Variants in ATRNL1 observed in about 807,000 individuals in gnomAD.
The protein encoded by ATRNL1 is attractin-like protein 1.
A neutral mutation model predicts 182.7 loss-of-function variants in ATRNL1; 95 were observed. That is an observed-to-expected ratio of 0.52 (90% CI 0.44 to 0.62). ATRNL1 has a LOEUF of 0.62. Ranked by LOEUF, ATRNL1 falls within the 20% of genes least tolerant of loss-of-function variation. The pLI is 0.00. For missense variants in ATRNL1, 1,471 were observed against 1,679.5 expected, an observed-to-expected ratio of 0.88 and a Z score of 2.17; for synonymous variants, 576 against 568.3, an observed-to-expected ratio of 1.01 and a Z score of -0.19.
chr10:115,478,650 C>A (rs1848633323), intron 24 of ATRNL1, among the ~76,000 whole-genome samples: 1 of 151,532 alleles, frequency 6.6e-6, no homozygotes, highest in Admixed American at 6.6e-5. Flanking sequence ...CCATTGTATT[C>A]ACAGATTCCA....
At chr10:115,493,223 A>T (rs1554977175) in intron 24 of ATRNL1, among the ~76,000 whole-genome samples, 1 of 152,048 alleles carries the variant, frequency 6.6e-6, no homozygotes, top group Non-Finnish European at 1.5e-5. Flanking sequence ...CCAGGTAATG[A>T]GCATAGTACA....
At chr10:115,858,953 C>T (rs1030883312) in intron 28 of ATRNL1, among the ~76,000 whole-genome samples, 9 of 151,856 alleles carry the variant, frequency 5.9e-5, no homozygotes, top group Non-Finnish European at 1.3e-4. Flanking sequence ...GTTCTGGAGG[C>T]TGGGAAGTCC....
At chr10:115,581,737 G>A (rs1376004269) in intron 26 of ATRNL1, among the ~76,000 whole-genome samples, 2 of 126,290 alleles carry the variant, frequency 1.6e-5, no homozygotes, top group South Asian at 3.3e-4. Context: ...AGAAACCATC[G>A]ACACTAAACT....
chr10:115,575,573 A>G (rs1298018846), intron 26 of ATRNL1, among the ~76,000 whole-genome samples: 1 of 151,762 alleles, frequency 6.6e-6, no homozygotes, highest in African/African-American at 2.4e-5. Context: ...AGTGTTAGAA[A>G]CCTTTTTCTT....
chr10:115,944,177 A>C (rs1206883345), intron 28 of ATRNL1, among the ~76,000 whole-genome samples: 2 of 151,280 alleles, frequency 1.3e-5, no homozygotes, highest in African/African-American at 4.9e-5. Context: ...CCTAATGTAA[A>C]TTATGGACTT....
chr10:115,177,248 T>A (rs1195079406), intron 8 of ATRNL1, among the ~76,000 whole-genome samples: 2 of 152,142 alleles, frequency 1.3e-5, no homozygotes, highest in African/African-American at 4.8e-5. Context: ...AGGAACAGTT[T>A]CTGTGTAGTG....
rs544635641 is a variant in ATRNL1, at chr10:115,302,110, G to A, written c.2818+67G>A. ...TAAATTTACTTTTCTGTGATGTAAA[G>A]AAGAATTAAATATTTGAAGAAGTTT... is the stretch of plus-strand genomic sequence containing the variant. On this transcript the variant is annotated intron_variant, in intron 17 of 28. Coordinates refer to ENST00000355044, the MANE Select transcript of ATRNL1 (RefSeq NM_207303.4). 1.4e-4 allele frequency: 187 copies of A among 1,346,002 alleles called. 1 individual carries two copies. The South Asian group carries it at 2.7e-3, about 19-fold the overall frequency. 83.4% of individuals were successfully genotyped at this position (1,346,002 alleles called of 1,614,324 possible). A position where few individuals can be genotyped will look rare whatever the true frequency, so the allele number is the denominator to read the frequency against.
chr10:115,235,018 C>G (rs1481015484), intron 9 of ATRNL1, among the ~76,000 whole-genome samples: 1 of 152,116 alleles, frequency 6.6e-6, no homozygotes, highest in Non-Finnish European at 1.5e-5. Context: ...AGGATTACAT[C>G]CAGGAGCATG....
intron 19 of ATRNL1, among the ~76,000 whole-genome samples, chr10:115,335,422 C>T (rs1392594526): frequency 6.6e-6 from 1 of 152,050 alleles, no homozygotes. Flanking sequence ...GCTGTCTGGG[C>T]CACTTTCTAA....
At chr10:115,462,785 T>C (rs1313452599) in intron 22 of ATRNL1, among the ~76,000 whole-genome samples, 5 of 152,108 alleles carry the variant, frequency 3.3e-5, no homozygotes, top group Non-Finnish European at 7.4e-5. Context: ...CACTGATATA[T>C]TGTATAAGCT....
intron 15 of ATRNL1, among the ~76,000 whole-genome samples, chr10:115,299,643 T>A (rs1220659594): frequency 6.6e-6 from 1 of 152,160 alleles, no homozygotes; most frequent in Admixed American, 6.5e-5. Flanking sequence ...AGAGTCTTAA[T>A]CCTATAACTG....
intron 21 of ATRNL1, among the ~76,000 whole-genome samples, chr10:115,450,850 G>A (rs1047387922): frequency 6.6e-6 from 1 of 152,128 alleles, no homozygotes; most frequent in African/African-American, 2.4e-5. Context: ...AAAGCTGGAG[G>A]CTTCACGTTA....
chr10:115,671,742 G>A (rs1945703244), intron 26 of ATRNL1, among the ~76,000 whole-genome samples: 1 of 152,128 alleles, frequency 6.6e-6, no homozygotes, highest in Non-Finnish European at 1.5e-5. Flanking sequence ...TGAGGCAAGA[G>A]ATTTAAAGAA....
intron 2 of ATRNL1, among the ~76,000 whole-genome samples, chr10:115,120,554 G>A (rs756266335): frequency 7.2e-5 from 11 of 152,008 alleles, no homozygotes; most frequent in Non-Finnish European, 1.3e-4. Context: ...TATGAAATTT[G>A]AAGACTTAGA....
At chr10:115,727,657 G>A (rs960691797) in intron 27 of ATRNL1, among the ~76,000 whole-genome samples, 9 of 152,100 alleles carry the variant, frequency 5.9e-5, no homozygotes, top group African/African-American at 1.4e-4. Flanking sequence ...GAAACAAAGC[G>A]CCTATATTTA....
intron 18 of ATRNL1, among the ~76,000 whole-genome samples, chr10:115,334,043 T>G (rs575306571): frequency 2.0e-5 from 3 of 152,312 alleles, no homozygotes; most frequent in South Asian, 4.1e-4. Flanking sequence ...ATGTTCCAGT[T>G]CATCTTTAAC....
chr10:115,146,398 A>C (rs1554879364), intron 5 of ATRNL1, among the ~76,000 whole-genome samples: 1 of 152,122 alleles, frequency 6.6e-6, no homozygotes, highest in East Asian at 1.9e-4. Flanking sequence ...TGTTATCCGC[A>C]TAGAATGTGT....
At chr10:115,313,633 G>A (rs891281600) in intron 17 of ATRNL1, among the ~76,000 whole-genome samples, 4 of 152,030 alleles carry the variant, frequency 2.6e-5, no homozygotes, top group African/African-American at 9.7e-5. Context: ...GTCAATAGGT[G>A]GTGTCCACAG....
intron 24 of ATRNL1, among the ~76,000 whole-genome samples, chr10:115,469,550 T>C (rs1301017858): frequency 6.6e-6 from 1 of 150,656 alleles, no homozygotes; most frequent in Non-Finnish European, 1.5e-5. Context: ...TTTTCAGTGA[T>C]TATTATGTAC....
Sources: gnomAD v4.1 joint callset for allele counts (sites outside exome capture counted in the v4.1 genomes callset) on GRCh38, gnomAD v4.1.1 for gene constraint, MANE v1.5 for transcripts, NCBI Gene and HGNC (gene_info 2026-07-23, HGNC 2026-07-21) for gene names.